Variants in DEFB104A observed in about 807,000 individuals in gnomAD.
DEFB104A encodes the protein defensin beta 104A, also known as beta-defensin 104.
At chr8:7,836,708 G>T (rs1369084970) in intron 1 of DEFB104A, among the ~76,000 whole-genome samples, 166 bp downstream of exon 1, 1 of 146,728 alleles carries the variant, frequency 6.8e-6, no homozygotes, top group Non-Finnish European at 1.5e-5. Context: ...AATGCAGTAT[G>T]TGGCAGTCCT....
intron 1 of DEFB104A, among the ~76,000 whole-genome samples, chr8:7,840,379 T>TAC (rs1817739358): frequency 1.7e-5 from 1 of 57,376 alleles, no homozygotes; most frequent in Non-Finnish European, 3.9e-5. Flanking sequence ...TATATATATA[T>TAC]ACCTATATAG....
chr8:7,840,111 T>C (rs1817731159), intron 1 of DEFB104A, among the ~76,000 whole-genome samples: 1 of 152,122 alleles, frequency 6.6e-6, no homozygotes, highest in Admixed American at 6.5e-5. Flanking sequence ...ATTCTGCTCC[T>C]TTCTAGTTTC....
intron 1 of DEFB104A, among the ~76,000 whole-genome samples, chr8:7,836,819 G>A (rs1817659537): frequency 1.4e-5 from 2 of 142,832 alleles, no homozygotes; most frequent in South Asian, 2.4e-4. Context: ...GCCACACACG[G>A]TAACAATTCC....
intron 1 of DEFB104A, among the ~76,000 whole-genome samples, chr8:7,837,186 T>C (rs1337285153): frequency 7.1e-6 from 1 of 140,060 alleles, no homozygotes; most frequent in African/African-American, 2.7e-5. Flanking sequence ...CATGTATTTC[T>C]TAATATATTT....
At chr8:7,837,762 A>C (rs2128924607) in intron 1 of DEFB104A, among the ~76,000 whole-genome samples, 1 of 140,048 alleles carries the variant, frequency 7.1e-6, no homozygotes, top group East Asian at 2.1e-4. Context: ...TCTGCAGTTG[A>C]ATTCTGAGAA....
intron 1 of DEFB104A, among the ~76,000 whole-genome samples, chr8:7,839,422 T>C (rs1817715245): frequency 7.0e-6 from 1 of 143,626 alleles, no homozygotes; most frequent in South Asian, 2.3e-4. Flanking sequence ...ACTCCTTTCT[T>C]CATTGCCTTG....
chr8:7,838,693 A>G (rs111769680), intron 1 of DEFB104A, among the ~76,000 whole-genome samples: 1 of 14,696 alleles, frequency 6.8e-5, no homozygotes, highest in African/African-American at 1.1e-4. Flanking sequence ...AAAAACCAAA[A>G]AAACAAACAA....
At chr8:7,836,794 G>A (rs1585696999) in intron 1 of DEFB104A, among the ~76,000 whole-genome samples, 1 of 144,024 alleles carries the variant, frequency 6.9e-6, no homozygotes, top group Non-Finnish European at 1.5e-5. Flanking sequence ...AGTCCTAGAT[G>A]TCCTTGGCAC....
chr8:7,836,847 A>C (rs2739960), intron 1 of DEFB104A, among the ~76,000 whole-genome samples: 3 of 133,920 alleles, frequency 2.2e-5, no homozygotes, highest in Non-Finnish European at 3.2e-5. Context: ...ATCCTCAGCA[A>C]TGAGGACTCA....
At position 7,837,604 on chromosome 8, in the gene DEFB104A, G is replaced by T. The variant is rs1817674646; in HGVS notation, c.58+1062G>T. Among the ~76,000 whole-genome samples the T allele has an allele frequency of 2.1e-5, 3 of 141,616 alleles. No individual in the cohort carries two copies. The Admixed American group carries it at 2.2e-4, about 10-fold the overall frequency. The allele number at this position is 141,616 out of a possible 152,430, so 92.9% of individuals were successfully genotyped here. On this transcript the variant is annotated intron_variant, in intron 1 of 1. Coordinates refer to ENST00000314265, the MANE Select transcript of DEFB104A (RefSeq NM_080389.3). ...TAAAATATGATAGCAATTTATCAAA[G>T]AACAGGTTTTCTTCAACCTTTGATC... is the stretch of plus-strand genomic sequence containing the variant.
At chr8:7,837,486 C>A (rs1231153294) in intron 1 of DEFB104A, among the ~76,000 whole-genome samples, 1 of 141,974 alleles carries the variant, frequency 7.0e-6, no homozygotes, top group Non-Finnish European at 1.5e-5. Flanking sequence ...CAGAGGGTAC[C>A]TGTTTAGGTT....
At chr8:7,838,382 C>A (rs1450758762) in intron 1 of DEFB104A, among the ~76,000 whole-genome samples, 1 of 131,722 alleles carries the variant, frequency 7.6e-6, no homozygotes, top group East Asian at 2.1e-4. Flanking sequence ...CTTTCTGGAC[C>A]AAACCAATGT....
intron 1 of DEFB104A, among the ~76,000 whole-genome samples, chr8:7,839,025 C>T (rs1354453408): frequency 2.1e-5 from 3 of 142,974 alleles, no homozygotes; most frequent in African/African-American, 7.5e-5. Context: ...AGTGTATGGA[C>T]TGCATTCTCC....
intron 1 of DEFB104A, among the ~76,000 whole-genome samples, chr8:7,839,669 G>A (rs1385683876): frequency 5.4e-5 from 6 of 111,128 alleles, no homozygotes; most frequent in Non-Finnish European, 1.0e-4. Flanking sequence ...AAACCCTGGT[G>A]CGAGGATTAG....
At position 7,837,542 on chromosome 8, in the gene DEFB104A, T is replaced by A. The variant is rs1405514673; in HGVS notation, c.58+1000T>A. On this transcript the variant is annotated intron_variant, in intron 1 of 1. Transcript: ENST00000314265. ...TCCCGTGTCATTTCCCAAAGACACT[T>A]CTGTGAAATTCTGCTATGGGCATGT... 3.6e-5 allele frequency among the ~76,000 whole-genome samples: 5 copies of A among 140,824 alleles called. 1 individual carries two copies. The highest frequency in any genetic ancestry group is 7.7e-5 in the Non-Finnish European group (5 of 65,202). The allele number at this position is 140,824 out of a possible 152,430, so 92.4% of individuals were successfully genotyped here.
At chr8:7,839,354 T>C (rs1817712981) in intron 1 of DEFB104A, among the ~76,000 whole-genome samples, 2 of 145,472 alleles carry the variant, frequency 1.4e-5, no homozygotes, top group African/African-American at 4.9e-5. Flanking sequence ...AGAAGGCACA[T>C]ATCTGCTACT....
In DEFB104A at chr8:7,838,891, T is replaced by C. The variant is rs1304495497; in HGVS notation, c.59-2143T>C. ...TCTACATTAACTAAGACCTGAGACC[T>C]GCCTAAGATTTTCTGGGTCTGTAGA... On this transcript the variant is annotated intron_variant, in intron 1 of 1. Coordinates refer to ENST00000314265, the MANE Select transcript of DEFB104A (RefSeq NM_080389.3). Among the ~76,000 whole-genome samples, 120 of 141,166 alleles carry C rather than the reference T, an allele frequency of 8.5e-4. 2 individuals are homozygous for C. The highest frequency in any genetic ancestry group is 2.9e-3 in the African/African-American group (115 of 39,486). The allele number at this position is 141,166 out of a possible 152,430, so 92.6% of individuals were successfully genotyped here. A position where few individuals can be genotyped will look rare whatever the true frequency, so the allele number is the denominator to read the frequency against.
Position 7,837,300 on chromosome 8 carries a change from A to G in DEFB104A, c.58+758A>G, listed in dbSNP as rs1184319316. On this transcript the variant is annotated intron_variant, in intron 1 of 1. Transcript: ENST00000314265. ...AAAATAAGATTTTTAGAGTTGCTTA[A>G]CAAGTCTAGCAGTGCTGGGACGAAA... 2.1e-3 allele frequency among the ~76,000 whole-genome samples: 283 copies of G among 136,552 alleles called. 12 individuals carry two copies. Among genetic ancestry groups the G allele is most frequent in the African/African-American group, 7.0e-3 (254 of 36,278 alleles). 89.6% of individuals were successfully genotyped at this position (136,552 alleles called of 152,430 possible).
Position 7,838,978 on chromosome 8 carries a change from G to A in DEFB104A, c.59-2056G>A, listed in dbSNP as rs868795729. Among the ~76,000 whole-genome samples, 442 of 142,504 alleles carry A rather than the reference G, an allele frequency of 3.1e-3. 4 individuals carry two copies. The highest frequency in any genetic ancestry group is 5.9e-3 in the Non-Finnish European group (373 of 62,834). 93.5% of individuals were successfully genotyped at this position (142,504 alleles called of 152,430 possible). A position where few individuals can be genotyped will look rare whatever the true frequency, so the allele number is the denominator to read the frequency against. Reference sequence around the variant, plus strand: ...AGTGTAGTGTAGTCTACCCTGGAATGTATTTATTGCTTAGGAAATGTTTAT... The same window carrying A: ...AGTGTAGTGTAGTCTACCCTGGAATATATTTATTGCTTAGGAAATGTTTAT... On this transcript the variant is annotated intron_variant, in intron 1 of 1. Coordinates refer to ENST00000314265, the MANE Select transcript of DEFB104A (RefSeq NM_080389.3).
Sources: allele counts gnomAD v4.1 joint callset (sites outside exome capture counted in the v4.1 genomes callset), GRCh38; gene constraint gnomAD v4.1.1; transcripts MANE v1.5; gene names NCBI Gene and HGNC (gene_info 2026-07-23, HGNC 2026-07-21).